ARFGEF1: variants seen among roughly 807,000 people sequenced by gnomAD.
ARFGEF1 encodes the protein ARF guanine nucleotide exchange factor 1.
Under a neutral mutation model 231.0 loss-of-function variants are expected in ARFGEF1, and 42 were observed. The observed-to-expected ratio is 0.18, with a 90% confidence interval of 0.14 to 0.24. The LOEUF is 0.24. Ranked by LOEUF, ARFGEF1 falls within the 10% of genes least tolerant of loss-of-function variation. The probability of loss-of-function intolerance (pLI) is 1.00; values close to 1 mark genes in which losing one functional copy is unlikely to be tolerated. For missense variants in ARFGEF1, 1,345 were observed against 2,192.0 expected (o/e 0.61, Z 7.72); for synonymous variants, 710 against 732.3 (o/e 0.97, Z 0.49).
At chr8:67,273,179 G>C (rs1805168173) in intron 9 of ARFGEF1, among the ~76,000 whole-genome samples, 1 of 151,942 alleles carries the variant, frequency 6.6e-6, no homozygotes, top group African/African-American at 2.4e-5. Context: ...AAATAATTCT[G>C]TAATGAAAAG....
chr8:67,224,895 A>C lies in ARFGEF1; in HGVS notation c.4208+8T>G. ...TCCAAAATTTTAATTACAAATATAG[A>C]TTGTTACCTGGTTCTTACATCTAAT... On this transcript the variant is annotated splice_region_variant and intron_variant, in intron 29 of 38. Transcript: ENST00000262215. 2.0e-6 allele frequency: 3 copies of C among 1,530,726 alleles called. No individual in the cohort carries two copies. Among genetic ancestry groups the C allele is most frequent in the Admixed American group, 4.2e-5 (2 of 47,730 alleles). 94.8% of individuals were successfully genotyped at this position (1,530,726 alleles called of 1,614,324 possible). A position where few individuals can be genotyped will look rare whatever the true frequency, so the allele number is the denominator to read the frequency against.
chr8:67,220,669 A>G (rs78369205), intron 29 of ARFGEF1, among the ~76,000 whole-genome samples: 6 of 152,260 alleles, frequency 3.9e-5, no homozygotes, highest in African/African-American at 9.6e-5. Context: ...GAGTTCCACC[A>G]CTGATGCTAA....
At chr8:67,342,429 T>C (rs947147537) in intron 1 of ARFGEF1, among the ~76,000 whole-genome samples, 18 of 152,172 alleles carry the variant, frequency 1.2e-4, no homozygotes, top group African/African-American at 2.9e-4. Flanking sequence ...GTGGGTGTCA[T>C]TGTCTTTTTC....
At chr8:67,325,359 T>C (rs1807788031) in intron 1 of ARFGEF1, among the ~76,000 whole-genome samples, 1 of 152,218 alleles carries the variant, frequency 6.6e-6, no homozygotes. Flanking sequence ...AGGTTGTTTT[T>C]AATGCTTTCT....
At chr8:67,279,832 T>C (rs1157266352) in intron 7 of ARFGEF1, among the ~76,000 whole-genome samples, 1 of 152,168 alleles carries the variant, frequency 6.6e-6, no homozygotes, top group Non-Finnish European at 1.5e-5. Context: ...ATAAAATCAT[T>C]TGAGATATAC....
chr8:67,196,353 G>T (rs1017708747), downstream of ARFGEF1: 3 of 152,146 alleles, frequency 2.0e-5, no homozygotes, highest in Non-Finnish European at 2.9e-5. Flanking sequence ...AGAGAGACTG[G>T]AGTCTTCTTC....
chr8:67,231,110 G>A (rs1839539440), intron 23 of ARFGEF1, among the ~76,000 whole-genome samples: 1 of 152,016 alleles, frequency 6.6e-6, no homozygotes, highest in Non-Finnish European at 1.5e-5. Context: ...CCAGATTGAT[G>A]CCTGACACTA....
chr8:67,240,437 C>T, intron 19 of ARFGEF1, 147 bp from the exon 20 acceptor site: 1 of 695,078 alleles, frequency 1.4e-6, no homozygotes, highest in Non-Finnish European at 2.3e-6. Context: ...AGGGGGAAAA[C>T]TATATAATGC....
chr8:67,232,366 T>G lies in ARFGEF1; in HGVS notation c.3380+489A>C, dbSNP rs541131846. On this transcript the variant is annotated intron_variant, in intron 23 of 38. Coordinates refer to ENST00000262215, the MANE Select transcript of ARFGEF1 (RefSeq NM_006421.5). ...ATAAAGCATACCATGGGTTTTCTTT[T>G]AGAAAACAAACTAAAAATGGGGAAT... Among the ~76,000 whole-genome samples, 4 of 152,126 alleles carry G rather than the reference T, an allele frequency of 2.6e-5. No individual in the cohort carries two copies. The East Asian group carries it at 5.8e-4, about 22-fold the overall frequency.
chr8:67,210,068 T>C (rs1039849679), intron 34 of ARFGEF1, among the ~76,000 whole-genome samples: 2 of 142,486 alleles, frequency 1.4e-5, no homozygotes, highest in Non-Finnish European at 3.0e-5. Flanking sequence ...GGCAGGAGAA[T>C]GGCGTGAACC....
At chr8:67,254,125 T>C (rs995504918) in intron 17 of ARFGEF1, among the ~76,000 whole-genome samples, 2 of 152,254 alleles carry the variant, frequency 1.3e-5, no homozygotes, top group Admixed American at 1.3e-4. Context: ...AACTGAATTA[T>C]GTCAGGTGAT....
intron 7 of ARFGEF1, 99 bp downstream of exon 7, chr8:67,287,856 G>T (rs770125204): frequency 3.8e-6 from 3 of 794,172 alleles, no homozygotes; most frequent in Non-Finnish European, 5.5e-6. Flanking sequence ...GGCTCCAAAC[G>T]TTTTAATTTT....
At chr8:67,321,007 C>T (rs1282897385) in intron 1 of ARFGEF1, among the ~76,000 whole-genome samples, 9 of 151,992 alleles carry the variant, frequency 5.9e-5, no homozygotes, top group Admixed American at 3.9e-4. Context: ...CATACAACAA[C>T]TTGGATAAAC....
intron 1 of ARFGEF1, among the ~76,000 whole-genome samples, chr8:67,322,951 A>C (rs567997043): frequency 6.6e-6 from 1 of 152,182 alleles, no homozygotes; most frequent in Non-Finnish European, 1.5e-5. Context: ...ATATACTTAA[A>C]TGTTTTCCAA....
At chr8:67,225,137 G>A (rs1040481479) in intron 28 of ARFGEF1, 104 bp from the exon 29 acceptor site, 5 of 1,049,254 alleles carry the variant, frequency 4.8e-6, no homozygotes, top group South Asian at 3.0e-5. Context: ...AATAACCAGT[G>A]AGCAATTTAA....
intron 5 of ARFGEF1, among the ~76,000 whole-genome samples, chr8:67,294,659 A>G (rs1806152947): frequency 6.6e-6 from 1 of 152,200 alleles, no homozygotes; most frequent in Non-Finnish European, 1.5e-5. Flanking sequence ...TGAACCCTGT[A>G]TTGTTGCACT....
At chr8:67,191,570 A>G (rs1836262646) in intron 5 of ARFGEF1, among the ~76,000 whole-genome samples, 2 of 152,190 alleles carry the variant, frequency 1.3e-5, no homozygotes, top group Non-Finnish European at 1.5e-5. Flanking sequence ...CTTTCTTTTG[A>G]AGGTCATTCA....
intron 19 of ARFGEF1, among the ~76,000 whole-genome samples, chr8:67,242,478 G>A (rs1839960702): frequency 6.6e-6 from 1 of 152,158 alleles, no homozygotes; most frequent in Admixed American, 6.5e-5. Context: ...TGCCTTGAAG[G>A]GAATGGCCCA....
At chr8:67,211,380 A>T in intron 34 of ARFGEF1, 103 bp downstream of exon 34, 1 of 756,642 alleles carries the variant, frequency 1.3e-6, no homozygotes, top group Non-Finnish European at 1.8e-6. Context: ...TGATGACACA[A>T]TCAATTATAG....
Sources: allele counts gnomAD v4.1 joint callset (sites outside exome capture counted in the v4.1 genomes callset), GRCh38; gene constraint gnomAD v4.1.1; transcripts MANE v1.5; gene names NCBI Gene and HGNC (gene_info 2026-07-23, HGNC 2026-07-21).